Variants in TLN2 observed in about 807,000 individuals in gnomAD.
TLN2 encodes talin 2.
TLN2 carries 118 observed loss-of-function variants against 294.7 expected under a neutral mutation model. The ratio of observed to expected loss-of-function variants is 0.40; its 90% confidence interval spans 0.34 to 0.47. TLN2 has a LOEUF of 0.47. Among genes scored for constraint, TLN2 ranks in the 20% least tolerant of loss-of-function variants. The pLI, the probability that TLN2 is intolerant of heterozygous loss-of-function variation, is 0.84. For synonymous variants in TLN2, 1,431 were observed against 1,304.5 expected (o/e 1.10, Z -2.09); for missense variants, 3,083 against 3,282.2 (o/e 0.94, Z 1.48).
chr15:62,684,979 T>C (rs948567455), intron 11 of TLN2, among the ~76,000 whole-genome samples: 1 of 151,372 alleles, frequency 6.6e-6, no homozygotes, highest in Non-Finnish European at 1.5e-5. Flanking sequence ...TATCTAGGCC[T>C]CTGAGAATAG....
At chr15:62,417,935 G>T (rs906303901) in intron 1 of TLN2, among the ~76,000 whole-genome samples, 4 of 152,160 alleles carry the variant, frequency 2.6e-5, no homozygotes, top group African/African-American at 9.7e-5. Context: ...GCCACCTCTG[G>T]TCGCTTGCCC....
At chr15:62,532,980 G>A (rs566719229) in intron 1 of TLN2, among the ~76,000 whole-genome samples, 14 of 152,184 alleles carry the variant, frequency 9.2e-5, no homozygotes, top group Admixed American at 2.0e-4. Flanking sequence ...TAGGCTGGGC[G>A]CGATGGCTCA....
chr15:62,455,974 C>G (rs1054355411), intron 1 of TLN2, among the ~76,000 whole-genome samples: 5 of 151,938 alleles, frequency 3.3e-5, no homozygotes, highest in East Asian at 1.9e-4. Flanking sequence ...CTGGGGGTTA[C>G]GAGTCTGCAG....
intron 1 of TLN2, among the ~76,000 whole-genome samples, chr15:62,578,769 G>A (rs372043299): frequency 4.6e-5 from 7 of 152,168 alleles, no homozygotes; most frequent in African/African-American, 1.4e-4. Context: ...GCATCAGCTC[G>A]TGAGGGAGGC....
intron 25 of TLN2, among the ~76,000 whole-genome samples, chr15:62,721,788 A>C (rs962056536): frequency 6.6e-6 from 1 of 152,236 alleles, no homozygotes; most frequent in Non-Finnish European, 1.5e-5. Context: ...CAATAGTTGC[A>C]TATACTGGAA....
chr15:62,833,181 T>C (rs2069057161), intron 54 of TLN2: 1 of 196,748 alleles, frequency 5.1e-6, no homozygotes, highest in Non-Finnish European at 1.0e-5. Context: ...GGGTAAATTT[T>C]GTGTTATATA....
chr15:62,604,125 A>G (rs80078478), intron 2 of TLN2, among the ~76,000 whole-genome samples: 11,662 of 152,228 alleles, frequency 0.077, 584 homozygotes, highest in East Asian at 0.16. Flanking sequence ...TTAAAATTAT[A>G]AAAACCATTC....
intron 1 of TLN2, among the ~76,000 whole-genome samples, chr15:62,448,657 G>C (rs1361910844): frequency 6.6e-6 from 1 of 152,210 alleles, no homozygotes; most frequent in Non-Finnish European, 1.5e-5. Flanking sequence ...AGAGAGAAAT[G>C]CTGAGGTTTG....
intron 12 of TLN2, chr15:62,690,289 C>T (rs1454699512): frequency 1.2e-5 from 2 of 161,968 alleles, no homozygotes; most frequent in Middle Eastern, 2.7e-3. Flanking sequence ...CCTCACTTCT[C>T]AGACGGGGCG....
chr15:62,772,667 ATT>A (rs60889314), intron 42 of TLN2, among the ~76,000 whole-genome samples: 41 of 129,232 alleles, frequency 3.2e-4, no homozygotes, highest in African/African-American at 8.1e-4. Flanking sequence ...TTATTTATTT[ATT>A]TTTTTTTTTT....
chr15:62,685,213 T>C (rs1241401009), intron 11 of TLN2, among the ~76,000 whole-genome samples: 1 of 152,220 alleles, frequency 6.6e-6, no homozygotes, highest in Non-Finnish European at 1.5e-5. Context: ...TGTTTTTTAA[T>C]AATATATTAT....
At chr15:62,828,336 C>T (rs919297030) in intron 54 of TLN2, 3 of 152,224 alleles carry the variant, frequency 2.0e-5, no homozygotes, top group African/African-American at 7.2e-5. Context: ...TGATGGGCAC[C>T]TGGCCAAATA....
intron 3 of TLN2, among the ~76,000 whole-genome samples, chr15:62,642,909 C>T (rs997271157): frequency 2.0e-5 from 3 of 152,136 alleles, no homozygotes; most frequent in African/African-American, 7.2e-5. Context: ...GCCATGTTGG[C>T]CAGGCTGGTC....
intron 1 of TLN2, among the ~76,000 whole-genome samples, chr15:62,524,625 G>C (rs1415283673): frequency 6.6e-6 from 1 of 152,094 alleles, no homozygotes; most frequent in Admixed American, 6.5e-5. Flanking sequence ...ACTTTAAACA[G>C]CCCTGTTTTG....
chr15:62,441,969 C>G (rs1295486006), intron 1 of TLN2, among the ~76,000 whole-genome samples: 1 of 152,048 alleles, frequency 6.6e-6, no homozygotes, highest in African/African-American at 2.4e-5. Flanking sequence ...CATCTTTATG[C>G]TTGGTAATGT....
intron 1 of TLN2, among the ~76,000 whole-genome samples, chr15:62,436,286 C>A (rs2035283193): frequency 6.6e-6 from 1 of 152,184 alleles, no homozygotes; most frequent in Admixed American, 6.5e-5. Context: ...TGCTCAGGAG[C>A]TCATGGAAAG....
At position 62,566,780 on chromosome 15, in the gene TLN2, C is replaced by G. The variant is rs114910778; in HGVS notation, c.-237-22907C>G. Among the ~76,000 whole-genome samples, 1,490 of 152,086 alleles carry G rather than the reference C, an allele frequency of 9.8e-3. 28 individuals carry two copies. The highest frequency in any genetic ancestry group is 0.034 in the African/African-American group (1,421 of 41,474). On this transcript the variant is annotated intron_variant, in intron 1 of 58. Coordinates refer to ENST00000636159, the MANE Select transcript of TLN2 (RefSeq NM_015059.3). ...CTGTGTTGCCCGGGCTGGTCTCAAA[C>G]TCCTGGGCACAGTCTTCCTGCCCCA...
chr15:62,447,150 C>A (rs1341724032), intron 1 of TLN2, among the ~76,000 whole-genome samples: 1 of 116,328 alleles, frequency 8.6e-6, no homozygotes, highest in Non-Finnish European at 1.8e-5. Flanking sequence ...GTTCAAGAAG[C>A]CTATATTTAT....
At chr15:62,765,622 A>G (rs911049459) in intron 40 of TLN2, among the ~76,000 whole-genome samples, 4 of 152,226 alleles carry the variant, frequency 2.6e-5, no homozygotes, top group African/African-American at 9.6e-5. Flanking sequence ...CCACTGGCTA[A>G]GAATCTCCAC....
Sources: allele counts gnomAD v4.1 joint callset (sites outside exome capture counted in the v4.1 genomes callset), GRCh38; gene constraint gnomAD v4.1.1; transcripts MANE v1.5; gene names NCBI Gene and HGNC (gene_info 2026-07-23, HGNC 2026-07-21).